DNMT3A: variants seen among roughly 807,000 people sequenced by gnomAD.
DNMT3A encodes the protein DNA (cytosine-5)-methyltransferase 3A.
A neutral mutation model predicts 117.6 loss-of-function variants in DNMT3A; 267 were observed. That is an observed-to-expected ratio of 2.27 (90% confidence interval 2.05 to 2.51). DNMT3A has a LOEUF of 2.51. Among genes scored for constraint, DNMT3A ranks in the 30% most tolerant of loss-of-function variants. DNMT3A has a pLI of 0.00. For synonymous variants in DNMT3A, 432 were observed against 474.8 expected (o/e 0.91, Z 1.17); for missense variants, 1,029 against 1,260.2 (o/e 0.82, Z 2.78).
At chr2:25,318,468 G>A (rs917845068) in intron 1 of DNMT3A, among the ~76,000 whole-genome samples, 2 of 151,566 alleles carry the variant, frequency 1.3e-5, no homozygotes, top group Non-Finnish European at 1.5e-5. Context: ...TGTATTTTTA[G>A]TAGAGACAGC....
Position 25,294,398 on chromosome 2 carries a change from T to C in DNMT3A, c.177+5741A>G, listed in dbSNP as rs1196867636. ...TGTCTTCCTCATGCCTTCCAAAACA[T>C]GAGGAGACAGAGTGGGCAGCAGCGT... On this transcript the variant is annotated intron_variant, in intron 3 of 22. Transcript: ENST00000321117. The surrounding 1 kb of genome is among the most constrained non-coding windows in gnomAD (Gnocchi z 4.7). Among the ~76,000 whole-genome samples, 2 of 151,870 alleles carry C rather than the reference T, an allele frequency of 1.3e-5. No homozygotes were observed. Among genetic ancestry groups the C allele is most frequent in the Non-Finnish European group, 2.9e-5 (2 of 67,966 alleles).
rs1472280679 is a variant in DNMT3A at position 25,341,548 on chromosome 2, A to AG, written c.-178+277dup. 2.0e-4 allele frequency among the ~76,000 whole-genome samples: 26 copies of AG among 128,104 alleles called. No individual in the cohort carries two copies. In the South Asian group the frequency reaches 3.5e-3, roughly 17 times the overall value. 84.0% of individuals were successfully genotyped at this position (128,104 alleles called of 152,430 possible). A position where few individuals can be genotyped will look rare whatever the true frequency, so the allele number is the denominator to read the frequency against. The stretch of plus-strand genomic sequence containing the variant: ...AGCCCGGAGCCGGGCGGGGGCGGGG[A>AG]GGGGGGTCCGCGCCGGGAGCGGGCG... On this transcript the variant is annotated intron_variant, in intron 1 of 22. Transcript: ENST00000321117.
chr2:25,276,849 C>A (rs1057512610), intron 4 of DNMT3A, among the ~76,000 whole-genome samples: 2 of 152,242 alleles, frequency 1.3e-5, no homozygotes, highest in African/African-American at 4.8e-5. Context: ...AAAACAGCCC[C>A]GACTTCATCT....
In DNMT3A at chr2:25,244,240, T is replaced by TG; in HGVS notation, c.1765_1766insC (p.Lys589ThrfsTer23). 6.2e-7 allele frequency: 1 copy of TG among 1,614,014 alleles called. No individual in the cohort carries two copies. Among genetic ancestry groups the TG allele is most frequent in the Non-Finnish European group, 8.5e-7 (1 of 1,180,004 alleles). ...CCGCCGCAGCAGCCCGTAGGTACCC[T>TG]TGTGCCCGCACATGTAGCAGTTCCA... is the stretch of plus-strand genomic sequence containing the variant. On this transcript the variant is annotated frameshift_variant, in exon 15 of 23. Transcript: ENST00000321117. LOFTEE classifies it high-confidence loss of function.
At chr2:25,299,473 T>C (rs72810072) in intron 3 of DNMT3A, among the ~76,000 whole-genome samples, 3,311 of 152,292 alleles carry the variant, frequency 0.022, 55 homozygotes, top group Non-Finnish European at 0.031. Flanking sequence ...GGGGCCTTCA[T>C]AGATAGTCCA....
chr2:25,239,510 G>T (rs1673737544), intron 19 of DNMT3A: 1 of 577,990 alleles, frequency 1.7e-6, no homozygotes, highest in East Asian at 3.7e-5. Context: ...TGGCTATTTT[G>T]TACCTAAAAT....
chr2:25,300,693 T>TA (rs1558722404), intron 2 of DNMT3A, among the ~76,000 whole-genome samples: 1 of 51,610 alleles, frequency 1.9e-5, no homozygotes, highest in African/African-American at 7.4e-5. Flanking sequence ...AGATATATAT[T>TA]TATATATCTA....
At position 25,248,533 on chromosome 2, in the gene DNMT3A, G is replaced by A. The variant is rs553180962; in HGVS notation, c.640-281C>T. Among the ~76,000 whole-genome samples, 7 of 151,740 alleles carry A rather than the reference G, an allele frequency of 4.6e-5. No homozygotes were observed. In the South Asian group the frequency reaches 8.3e-4, roughly 18 times the overall value. ...TCAGCATATCGGTTGCCTACCCTAT[G>A]ATACGGAAATGTTATTTATTTATTT... On this transcript the variant is annotated intron_variant, in intron 6 of 22. Coordinates refer to ENST00000321117, the MANE Select transcript of DNMT3A (RefSeq NM_022552.5).
Position 25,233,194 on chromosome 2 carries a change from A to AG in DNMT3A, c.*1084dup. The AG allele has an allele frequency of 4.3e-6, 1 of 233,734 alleles. No individual in the cohort carries two copies. The highest frequency in any genetic ancestry group is 8.5e-6 in the Non-Finnish European group (1 of 118,006). The allele number at this position is 233,734 out of a possible 1,614,324, so 14.5% of individuals were successfully genotyped here. On this transcript the variant is annotated 3_prime_UTR_variant, in exon 23 of 23. Transcript: ENST00000321117. ...ATGAGTCTGGATGAATCCCACTCTC[A>AG]GCTGTCCACGGGCCCGACCACCTCA...
At chr2:25,253,541 C>T (rs778239583) in intron 6 of DNMT3A, among the ~76,000 whole-genome samples, 2 of 152,106 alleles carry the variant, frequency 1.3e-5, no homozygotes, top group Admixed American at 1.3e-4. Flanking sequence ...AGGAGACCCT[C>T]GCCCACCTCC....
chr2:25,275,439 G>GT, intron 5 of DNMT3A, 61 bp downstream of exon 5: 1 of 1,371,072 alleles, frequency 7.3e-7, no homozygotes, highest in Non-Finnish European at 9.9e-7. Flanking sequence ...ACACACACTC[G>GT]CCACCCGTGT....
Position 25,298,933 on chromosome 2 carries a change from C to A in DNMT3A, c.177+1206G>T, listed in dbSNP as rs1257700134. Among the ~76,000 whole-genome samples the A allele has an allele frequency of 6.9e-6, 1 of 145,606 alleles. No individual in the cohort carries two copies. The highest frequency in any genetic ancestry group is 1.5e-5 in the Non-Finnish European group (1 of 65,260). Reference sequence around the variant, plus strand: ...CCCACACCCCCCACCTCCAGGAACTCACCACCCCCCCCGCCTCTACTGTCC... The same window carrying A: ...CCCACACCCCCCACCTCCAGGAACTAACCACCCCCCCCGCCTCTACTGTCC... On this transcript the variant is annotated intron_variant, in intron 3 of 22. Transcript: ENST00000321117. The surrounding 1 kb of genome is among the most constrained non-coding windows in gnomAD (Gnocchi z 4.3).
intron 6 of DNMT3A, among the ~76,000 whole-genome samples, chr2:25,262,940 CTCTT>C (rs1676737667): frequency 6.6e-6 from 1 of 152,118 alleles, no homozygotes; most frequent in South Asian, 2.1e-4. Context: ...TGCCTTCCTC[CTCTT>C]TAACACTTTT....
Position 25,237,031 on chromosome 2 carries a change from C to G in DNMT3A, c.2409-26G>C, listed in dbSNP as rs1673448759. 1 of 1,611,840 alleles carries G rather than the reference C, an allele frequency of 6.2e-7. No homozygotes were observed. The highest frequency in any genetic ancestry group is 1.3e-5 in the African/African-American group (1 of 74,882). On this transcript the variant is annotated intron_variant, in intron 20 of 22. Coordinates refer to ENST00000321117, the MANE Select transcript of DNMT3A (RefSeq NM_022552.5). The surrounding 1 kb of genome is among the most constrained non-coding windows in gnomAD (Gnocchi z 5.4). ...CTAGGAGGCAGAAGAGAGACTGTAA[C>G]AACAGAAACCTGGATAACAGCGGGA... is the stretch of plus-strand genomic sequence containing the variant.
chr2:25,248,008 T>C (rs931047246), intron 7 of DNMT3A, 29 bp downstream of exon 7: 28 of 1,611,360 alleles, frequency 1.7e-5, no homozygotes, highest in Non-Finnish European at 2.4e-5. Context: ...CGGAAAGAGC[T>C]GGCCACGGCT....
rs565353736 is a variant in DNMT3A at position 25,315,543 on chromosome 2, G to C, written c.-177-1382C>G. On this transcript the variant is annotated intron_variant, in intron 1 of 22. Coordinates refer to ENST00000321117, the MANE Select transcript of DNMT3A (RefSeq NM_022552.5). ...AAGGTTTGCTGCCCGGGTCCCGAGA[G>C]GGTGGACGGCAGCGGAGAGCAGCTC... 6.6e-5 allele frequency among the ~76,000 whole-genome samples: 10 copies of C among 152,306 alleles called. No homozygotes were observed. In the East Asian group the frequency reaches 1.9e-3, roughly 29 times the overall value.
At chr2:25,324,561 G>A (rs917415411) in intron 1 of DNMT3A, among the ~76,000 whole-genome samples, 5 of 152,196 alleles carry the variant, frequency 3.3e-5, no homozygotes, top group South Asian at 2.1e-4. Context: ...AGGAGGAGGT[G>A]CAAATGTGGG....
chr2:25,335,396 G>A (rs905616531), intron 1 of DNMT3A, among the ~76,000 whole-genome samples: 12 of 152,188 alleles, frequency 7.9e-5, no homozygotes, highest in African/African-American at 2.7e-4. Context: ...TGTGTCTCCC[G>A]GGGTCCTCCA....
intron 1 of DNMT3A, among the ~76,000 whole-genome samples, chr2:25,316,324 A>C (rs1311265194): frequency 6.6e-6 from 1 of 152,250 alleles, no homozygotes; most frequent in Non-Finnish European, 1.5e-5. Context: ...CAGACACCCC[A>C]GACAGGAAAG....
Sources: gnomAD v4.1 joint callset for allele counts (sites outside exome capture counted in the v4.1 genomes callset) on GRCh38, gnomAD v4.1.1 for gene constraint, Gnocchi (gnomAD v3.1) non-coding constraint, MANE v1.5 for transcripts, NCBI Gene and HGNC (gene_info 2026-07-23, HGNC 2026-07-21) for gene names.